Variants in COLEC11 observed in about 807,000 individuals in gnomAD.
COLEC11 encodes collectin-11.
Under a neutral mutation model 27.3 loss-of-function variants are expected in COLEC11, and 20 were observed. That is an observed-to-expected ratio of 0.73 (90% confidence interval 0.51 to 1.06). The LOEUF (loss-of-function observed/expected upper bound fraction) is 1.06. Ranked by LOEUF, COLEC11 falls within the 50% of genes least tolerant of loss-of-function variation. COLEC11 has a pLI of 0.00. For synonymous variants in COLEC11, 163 were observed against 154.7 expected (o/e 1.05, Z -0.40); for missense variants, 310 against 383.0 (o/e 0.81, Z 1.59).
At chr2:3,613,798 G>A (rs1422590050) in intron 3 of COLEC11, among the ~76,000 whole-genome samples, 1 of 152,144 alleles carries the variant, frequency 6.6e-6, no homozygotes, top group East Asian at 1.9e-4. Context: ...GATTCTGCCT[G>A]CCTCGTGGGA....
At chr2:3,599,217 T>C (rs1181468163) in intron 1 of COLEC11, among the ~76,000 whole-genome samples, 1 of 152,154 alleles carries the variant, frequency 6.6e-6, no homozygotes, top group Non-Finnish European at 1.5e-5. Flanking sequence ...TGGGAGTTAT[T>C]TTCCTCCAAC....
intron 3 of COLEC11, among the ~76,000 whole-genome samples, chr2:3,630,317 T>G (rs964590349): frequency 6.6e-6 from 1 of 152,210 alleles, no homozygotes; most frequent in Non-Finnish European, 1.5e-5. Flanking sequence ...GTGAGGGGAC[T>G]TCAAAAAGTT....
intron 1 of COLEC11, 60 bp downstream of exon 1, chr2:3,595,228 G>C (rs925088024): frequency 3.9e-5 from 8 of 202,798 alleles, no homozygotes; most frequent in African/African-American, 1.4e-4. Flanking sequence ...CAGTGCAGAG[G>C]GGAGGCAGGC....
At chr2:3,606,024 T>G in intron 2 of COLEC11, 1 of 1,528,364 alleles carries the variant, frequency 6.5e-7, no homozygotes, top group Non-Finnish European at 8.8e-7. Context: ...TGGAAGCAAC[T>G]TAAACTGTTG....
chr2:3,630,727 A>G (rs1021686911), intron 3 of COLEC11, among the ~76,000 whole-genome samples: 2 of 152,238 alleles, frequency 1.3e-5, no homozygotes, highest in Non-Finnish European at 2.9e-5. Flanking sequence ...GCTTTGGCCA[A>G]CTTTCTCAAA....
intron 5 of COLEC11, among the ~76,000 whole-genome samples, chr2:3,642,681 A>G (rs2147971402): frequency 6.6e-6 from 1 of 152,264 alleles, no homozygotes; most frequent in East Asian, 1.9e-4. Context: ...TTCCTGCCGC[A>G]TCATCCAGCT....
At chr2:3,605,223 T>C in intron 2 of COLEC11, 1 of 413,056 alleles carries the variant, frequency 2.4e-6, no homozygotes, top group South Asian at 1.8e-5. Flanking sequence ...TGTGTGCCAG[T>C]GTCGGGTGGC....
chr2:3,621,704 A>G (rs1453828028), intron 3 of COLEC11, among the ~76,000 whole-genome samples: 1 of 152,022 alleles, frequency 6.6e-6, no homozygotes, highest in East Asian at 1.9e-4. Flanking sequence ...TTGTGTATGT[A>G]CTAGGTTTTT....
chr2:3,602,165 T>C lies in COLEC11; in HGVS notation c.-26-2150T>C, dbSNP rs1301841714. 6 of 152,212 alleles carry C rather than the reference T, an allele frequency of 3.9e-5. No individual in the cohort carries two copies. Among genetic ancestry groups the C allele is most frequent in the Admixed American group, 3.9e-4 (6 of 15,286 alleles). The allele number at this position is 152,212 out of a possible 1,614,324, so 9.4% of individuals were successfully genotyped here. On this transcript the variant is annotated intron_variant, in intron 1 of 6. Coordinates refer to ENST00000349077, the MANE Select transcript of COLEC11 (RefSeq NM_024027.5). This position sits in a 1 kb window ranked among gnomAD's most constrained non-coding sequence, Gnocchi z 6.2. The stretch of plus-strand genomic sequence containing the variant: ...GATGTGGGAAGCCCCCCACCACAGA[T>C]GGCCTTTCTCTAGCAGCTAAGGTGA...
rs1343927514 is a variant in COLEC11, at chr2:3,602,439, A to G, written c.-26-1876A>G. On this transcript the variant is annotated intron_variant, in intron 1 of 6. Transcript: ENST00000349077. The surrounding 1 kb of genome is among the most constrained non-coding windows in gnomAD (Gnocchi z 6.2). ...CTCAGAACAAAAGCTTTAATCTTTG[A>G]TTTCTCTCTGTCATTTCCCACATAA... Among the ~76,000 whole-genome samples, 1 of 151,912 alleles carries G rather than the reference A, an allele frequency of 6.6e-6. No homozygotes were observed. Among genetic ancestry groups the G allele is most frequent in the Non-Finnish European group, 1.5e-5 (1 of 67,980 alleles).
At chr2:3,635,261 A>C (rs1478382631) in intron 3 of COLEC11, among the ~76,000 whole-genome samples, 1 of 152,010 alleles carries the variant, frequency 6.6e-6, no homozygotes, top group Non-Finnish European at 1.5e-5. Flanking sequence ...ATCACGCACG[A>C]GGTTCTGCCA....
intron 1 of COLEC11, chr2:3,603,742 AG>A: frequency 7.0e-7 from 1 of 1,430,258 alleles, no homozygotes; most frequent in East Asian, 2.5e-5. Flanking sequence ...CCACCTCCCC[AG>A]GCCCCTGGGT....
In COLEC11 at chr2:3,643,945, G is replaced by A. The variant is rs760665726; in HGVS notation, c.643G>A (p.Val215Met). 11 of 1,614,170 alleles carry A rather than the reference G, an allele frequency of 6.8e-6. No homozygotes were observed. Among genetic ancestry groups the A allele is most frequent in the East Asian group, 6.7e-5 (3 of 44,886 alleles). Residue 215 changes from valine (V) to methionine (M), a missense_variant, in exon 7 of 7, where the codon GTG becomes ATG. By Grantham distance (21) the Val-to-Met change is conservative (BLOSUM62 1). Coordinates refer to ENST00000349077, the MANE Select transcript of COLEC11 (RefSeq NM_024027.5). Reference protein sequence around the residue: ...INDLEKEGAFVYSDHSPMRTF... With the variant: ...INDLEKEGAFMYSDHSPMRTF... ...CGACCTGGAGAAGGAGGGCGCCTTC[G>A]TGTACTCTGACCACTCCCCCATGCG...
At chr2:3,619,365 C>G (rs1008171971) in intron 3 of COLEC11, among the ~76,000 whole-genome samples, 1 of 152,156 alleles carries the variant, frequency 6.6e-6, no homozygotes, top group Admixed American at 6.5e-5. Flanking sequence ...TAGAGTAAAG[C>G]TTTCAGCTTT....
intron 3 of COLEC11, among the ~76,000 whole-genome samples, chr2:3,627,396 C>T (rs570680313): frequency 4.3e-4 from 61 of 143,092 alleles, no homozygotes; most frequent in South Asian, 4.5e-4. Flanking sequence ...CTGGGCACAA[C>T]GCTGGGCACG....
intron 1 of COLEC11, among the ~76,000 whole-genome samples, chr2:3,599,143 T>A (rs931908328): frequency 3.3e-5 from 5 of 152,128 alleles, no homozygotes; most frequent in African/African-American, 1.2e-4. Context: ...GTTCTTAATT[T>A]TTCTTTTCTT....
At chr2:3,632,550 T>C (rs1479685852) in intron 3 of COLEC11, among the ~76,000 whole-genome samples, 1 of 152,192 alleles carries the variant, frequency 6.6e-6, no homozygotes, top group Non-Finnish European at 1.5e-5. Flanking sequence ...AAAGCCACAG[T>C]CCTGTTGGAC....
intron 3 of COLEC11, among the ~76,000 whole-genome samples, chr2:3,616,470 T>A (rs1337344899): frequency 1.3e-5 from 2 of 152,146 alleles, no homozygotes; most frequent in South Asian, 4.1e-4. Flanking sequence ...CTGGGCAACA[T>A]TGAGCACTGA....
intron 1 of COLEC11, among the ~76,000 whole-genome samples, chr2:3,596,336 C>A (rs1661835402): frequency 3.3e-5 from 4 of 121,862 alleles, no homozygotes; most frequent in Non-Finnish European, 6.7e-5. Context: ...TTGTCTATTT[C>A]ATTTTTTTTT....
Sources: gnomAD v4.1 joint callset for allele counts (sites outside exome capture counted in the v4.1 genomes callset) on GRCh38, gnomAD v4.1.1 for gene constraint, Gnocchi (gnomAD v3.1) non-coding constraint, MANE v1.5 for transcripts, NCBI Gene and HGNC (gene_info 2026-07-23, HGNC 2026-07-21) for gene names.